Variants in KCNB2 observed in about 807,000 individuals in gnomAD.
The protein encoded by KCNB2 is delayed rectifier potassium channel protein.
KCNB2 carries 15 observed loss-of-function variants against 61.5 expected under a neutral mutation model. That is an observed-to-expected ratio of 0.24 (90% CI 0.16 to 0.38). The LOEUF is 0.38. Ranked by LOEUF, KCNB2 falls within the 10% of genes least tolerant of loss-of-function variation. The pLI, the probability that KCNB2 is intolerant of heterozygous loss-of-function variation, is 1.00. For synonymous variants in KCNB2, 457 were observed against 446.0 expected (o/e 1.02, Z -0.31); for missense variants, 828 against 1,125.2 (o/e 0.74, Z 3.78).
At chr8:72,647,281 A>G (rs1214685622) in intron 2 of KCNB2, among the ~76,000 whole-genome samples, 3 of 152,160 alleles carry the variant, frequency 2.0e-5, no homozygotes, top group Non-Finnish European at 2.9e-5. Context: ...GCCTTTGAAT[A>G]GCCACATTTT....
intron 2 of KCNB2, among the ~76,000 whole-genome samples, chr8:72,631,622 C>A (rs1228033353): frequency 6.6e-6 from 1 of 152,156 alleles, no homozygotes; most frequent in Admixed American, 6.5e-5. Flanking sequence ...TTTAAGACTT[C>A]AACGTAACTT....
chr8:72,844,842 C>A (rs1036512759), intron 2 of KCNB2, among the ~76,000 whole-genome samples: 2 of 152,198 alleles, frequency 1.3e-5, no homozygotes, highest in African/African-American at 4.8e-5. Flanking sequence ...ATTTCTCCAA[C>A]CTTTTTTAAG....
intron 2 of KCNB2, among the ~76,000 whole-genome samples, chr8:72,637,314 C>T (rs535754019): frequency 3.3e-4 from 50 of 152,282 alleles, no homozygotes; most frequent in Non-Finnish European, 5.9e-4. Context: ...CAGGAAAATT[C>T]GTCTGTTTTT....
intron 2 of KCNB2, among the ~76,000 whole-genome samples, chr8:72,811,682 G>T (rs1387085116): frequency 1.3e-5 from 2 of 152,074 alleles, no homozygotes; most frequent in Admixed American, 6.6e-5. Flanking sequence ...TTCTCATAAA[G>T]GGTTGCAGCC....
chr8:72,750,803 T>C (rs1808176164), intron 2 of KCNB2: 1 of 152,172 alleles, frequency 6.6e-6, no homozygotes, highest in Non-Finnish European at 1.5e-5. Context: ...TTCCTACTTA[T>C]ACAGGGGCAA....
At chr8:72,865,118 T>C (rs971706945) in intron 2 of KCNB2, among the ~76,000 whole-genome samples, 3 of 152,160 alleles carry the variant, frequency 2.0e-5, no homozygotes, top group African/African-American at 7.2e-5. Context: ...CTGAGGATTA[T>C]TCTGGGCCTT....
At chr8:72,646,332 T>A (rs1005074946) in intron 2 of KCNB2, among the ~76,000 whole-genome samples, 1 of 152,160 alleles carries the variant, frequency 6.6e-6, no homozygotes, top group East Asian at 1.9e-4. Flanking sequence ...AGAAGTCTAG[T>A]TAAGAGACAT....
At chr8:72,575,544 A>T (rs1343128589) in intron 2 of KCNB2, among the ~76,000 whole-genome samples, 2 of 152,170 alleles carry the variant, frequency 1.3e-5, no homozygotes, top group African/African-American at 2.4e-5. Context: ...ATGTTGAATT[A>T]GTCAGTTTTA....
chr8:72,778,733 CAAAAAAAAAAAAAAAA>C (rs753797385), intron 2 of KCNB2, among the ~76,000 whole-genome samples: 39 of 14,168 alleles, frequency 2.8e-3, no homozygotes, highest in Admixed American at 0.011. Context: ...ACAGAGCGAG[CAAAAAAAAAAAAAAAA>C]AAAAAAAAAA....
At chr8:72,919,661 C>T (rs547062296) in intron 2 of KCNB2, among the ~76,000 whole-genome samples, 43 of 152,220 alleles carry the variant, frequency 2.8e-4, no homozygotes, top group African/African-American at 8.9e-4. Context: ...TGATTGCATT[C>T]GACCAAGTGA....
At chr8:72,718,878 T>TA (rs1242829938) in intron 2 of KCNB2, among the ~76,000 whole-genome samples, 2 of 152,236 alleles carry the variant, frequency 1.3e-5, no homozygotes, top group East Asian at 3.9e-4. Flanking sequence ...TTCTTCTGAA[T>TA]AAGAAAACCG....
chr8:72,702,932 T>C (rs780027248), intron 2 of KCNB2, among the ~76,000 whole-genome samples: 1 of 152,192 alleles, frequency 6.6e-6, no homozygotes, highest in Non-Finnish European at 1.5e-5. Flanking sequence ...GCACTGCGTC[T>C]GCACTACCCT....
chr8:72,924,565 C>A (rs1806597020), intron 2 of KCNB2, among the ~76,000 whole-genome samples: 1 of 152,150 alleles, frequency 6.6e-6, no homozygotes, highest in African/African-American at 2.4e-5. Context: ...AGGCCTTATG[C>A]AGCCCTCATA....
chr8:72,924,966 G>A lies in KCNB2; in HGVS notation c.580-10969G>A, dbSNP rs1806609056. ...TTTGGCTCCTATCTGACTTTCCCTT[G>A]GCAGAGCCACTCCATTTCAGCATGG... On this transcript the variant is annotated intron_variant, in intron 2 of 2. Transcript: ENST00000523207. 1.3e-5 allele frequency among the ~76,000 whole-genome samples: 2 copies of A among 152,082 alleles called. 1 individual carries two copies. The highest frequency in any genetic ancestry group is 4.2e-4 in the South Asian group (2 of 4,814).
chr8:72,725,859 G>A (rs927064352), intron 2 of KCNB2, among the ~76,000 whole-genome samples: 11 of 151,614 alleles, frequency 7.3e-5, no homozygotes, highest in African/African-American at 2.7e-4. Flanking sequence ...ATAGGATTTG[G>A]TTATCCTAAA....
chr8:72,773,638 C>A (rs1808600050), intron 2 of KCNB2, among the ~76,000 whole-genome samples: 1 of 152,114 alleles, frequency 6.6e-6, no homozygotes, highest in Non-Finnish European at 1.5e-5. Flanking sequence ...TAAAGTCTGC[C>A]CAAGCTGTTT....
intron 2 of KCNB2, among the ~76,000 whole-genome samples, chr8:72,758,616 A>G (rs1330332383): frequency 6.6e-6 from 1 of 152,174 alleles, no homozygotes; most frequent in African/African-American, 2.4e-5. Context: ...CATGTTTATT[A>G]CACAAACCTC....
chr8:72,771,894 G>T (rs1439436111), intron 2 of KCNB2, among the ~76,000 whole-genome samples: 1 of 152,166 alleles, frequency 6.6e-6, no homozygotes, highest in African/African-American at 2.4e-5. Context: ...AGCGGGAAAT[G>T]AAGGAGATAT....
At chr8:72,860,222 G>A (rs911509999) in intron 2 of KCNB2, among the ~76,000 whole-genome samples, 1 of 152,056 alleles carries the variant, frequency 6.6e-6, no homozygotes, top group Non-Finnish European at 1.5e-5. Flanking sequence ...AGGTCATATG[G>A]CACCTTCTGT....
Sources: gnomAD v4.1 joint callset for allele counts (sites outside exome capture counted in the v4.1 genomes callset) on GRCh38, gnomAD v4.1.1 for gene constraint, MANE v1.5 for transcripts, NCBI Gene and HGNC (gene_info 2026-07-23, HGNC 2026-07-21) for gene names.